The following KCNAB2 variants were observed in gnomAD, a reference collection of about 807,000 sequenced individuals.
The protein encoded by KCNAB2 is potassium voltage-gated channel subfamily A regulatory beta subunit 2.
KCNAB2 carries 29 observed loss-of-function variants against 63.6 expected under a neutral mutation model. The observed-to-expected ratio is 0.46, with a 90% CI of 0.34 to 0.62. KCNAB2 has a LOEUF of 0.62. KCNAB2 is among the 20% of genes least tolerant of loss of function. The pLI is 0.01. For missense variants in KCNAB2, 359 were observed against 563.9 expected (o/e 0.64, Z 3.68); for synonymous variants, 222 against 224.2 (o/e 0.99, Z 0.09).
Position 6,100,406 on chromosome 1 carries a change from C to T in KCNAB2, c.*1832C>T, listed in dbSNP as rs1363158836. On this transcript the variant is annotated 3_prime_UTR_variant, in exon 16 of 16. Coordinates refer to ENST00000378083, the MANE Select transcript of KCNAB2 (RefSeq NM_001199862.2). ...GTCCCTTCCCAACGGAGGTCCCAGC[C>T]TATGGCCCTGGGCCCAGGTGGGGGT... 5.4e-6 allele frequency: 1 copy of T among 186,002 alleles called. No homozygotes were observed. Among genetic ancestry groups the T allele is most frequent in the Non-Finnish European group, 1.1e-5 (1 of 90,658 alleles). 11.5% of individuals were successfully genotyped at this position (186,002 alleles called of 1,614,324 possible).
At chr1:6,089,931 C>A (rs1275279410) in intron 8 of KCNAB2, among the ~76,000 whole-genome samples, 2 of 152,332 alleles carry the variant, frequency 1.3e-5, no homozygotes, top group Non-Finnish European at 1.5e-5. Context: ...AAACTCCTGG[C>A]CCTCAAGTGA....
chr1:6,100,773 AG>A lies in KCNAB2; in HGVS notation c.*2204del. 1 of 152,332 alleles carries A rather than the reference AG, an allele frequency of 6.6e-6. No homozygotes were observed. Among genetic ancestry groups the A allele is most frequent in the Non-Finnish European group, 1.5e-5 (1 of 68,058 alleles). The allele number at this position is 152,332 out of a possible 1,614,324, so 9.4% of individuals were successfully genotyped here. ...CACACCCATCTACAGGGAGGATGTG[AG>A]GGGGCTCTGCCTCCTAGGGCCAGGT... On this transcript the variant is annotated 3_prime_UTR_variant, in exon 16 of 16. Transcript: ENST00000378083.
intron 5 of KCNAB2, among the ~76,000 whole-genome samples, chr1:6,082,486 C>G (rs576472165): frequency 6.6e-6 from 1 of 152,166 alleles, no homozygotes; most frequent in South Asian, 2.1e-4. Context: ...CTGAACTCCC[C>G]GTGGAGCCAC....
At position 6,087,574 on chromosome 1, in the gene KCNAB2, A is replaced by C; in HGVS notation, c.470+63A>C. 3 of 1,563,122 alleles carry C rather than the reference A, an allele frequency of 1.9e-6. No individual in the cohort carries two copies. The highest frequency in any genetic ancestry group is 2.6e-6 in the Non-Finnish European group (3 of 1,134,460). ...CAGCAGCCACGGCCCCGTGCTCCCC[A>C]GAGACCCCTGACCTAGAAGGCTCCT... On this transcript the variant is annotated intron_variant, in intron 7 of 15. Coordinates refer to ENST00000378083, the MANE Select transcript of KCNAB2 (RefSeq NM_001199862.2). This position sits in a 1 kb window ranked among gnomAD's most constrained non-coding sequence, Gnocchi z 6.4.
intron 2 of KCNAB2, among the ~76,000 whole-genome samples, chr1:6,070,611 T>A (rs1401530563): frequency 1.7e-4 from 26 of 152,240 alleles, no homozygotes; most frequent in Admixed American, 1.6e-3. Context: ...TGTTTTTGAA[T>A]AAAGAAAAGG....
At position 6,098,719 on chromosome 1, in the gene KCNAB2, C is replaced by T; in HGVS notation, c.*145C>T. ...GTGATGTCATCGGGAAATGATCTCCCAAGTCGCTGCCAGACACCACCCACT... is the reference window on the plus strand; with the variant it reads ...GTGATGTCATCGGGAAATGATCTCCTAAGTCGCTGCCAGACACCACCCACT... On this transcript the variant is annotated 3_prime_UTR_variant, in exon 16 of 16. Coordinates refer to ENST00000378083, the MANE Select transcript of KCNAB2 (RefSeq NM_001199862.2). 2 of 1,054,834 alleles carry T rather than the reference C, an allele frequency of 1.9e-6. No homozygotes were observed. Among genetic ancestry groups the T allele is most frequent in the Admixed American group, 2.6e-5 (1 of 38,650 alleles). The allele number at this position is 1,054,834 out of a possible 1,614,324, so 65.3% of individuals were successfully genotyped here.
At chr1:6,081,034 T>A (rs1664165255) in intron 4 of KCNAB2, among the ~76,000 whole-genome samples, 2 of 152,164 alleles carry the variant, frequency 1.3e-5, no homozygotes, top group East Asian at 3.8e-4. Flanking sequence ...AGGGGCACCT[T>A]TCTCTCCGGC....
chr1:6,087,453 C>T lies in KCNAB2; in HGVS notation c.426-14C>T. 2 of 1,614,106 alleles carry T rather than the reference C, an allele frequency of 1.2e-6. No individual in the cohort carries two copies. Among genetic ancestry groups the T allele is most frequent in the Non-Finnish European group, 1.7e-6 (2 of 1,179,944 alleles). ...CGGGCTTATCACACCCCTTCTTTCT[C>T]TTCTGTTCCACAGGCGGTCCAGCCT... On this transcript the variant is annotated splice_polypyrimidine_tract_variant and intron_variant, in intron 6 of 15. Coordinates refer to ENST00000378083, the MANE Select transcript of KCNAB2 (RefSeq NM_001199862.2). The surrounding 1 kb of genome is among the most constrained non-coding windows in gnomAD (Gnocchi z 6.4).
intron 4 of KCNAB2, among the ~76,000 whole-genome samples, chr1:6,076,435 T>C (rs1323598328): frequency 1.3e-5 from 2 of 152,234 alleles, no homozygotes; most frequent in African/African-American, 2.4e-5. Context: ...AGGTGCCCTT[T>C]CTGTGGCCTC....
chr1:6,089,384 C>T (rs941879692), intron 8 of KCNAB2, among the ~76,000 whole-genome samples: 4 of 152,218 alleles, frequency 2.6e-5, no homozygotes, highest in African/African-American at 4.8e-5. Context: ...ACAGTAAGAG[C>T]GCACCCGGCG....
chr1:6,029,948 A>T (rs1473157779), upstream of KCNAB2, among the ~76,000 whole-genome samples: 1 of 152,226 alleles, frequency 6.6e-6, no homozygotes, highest in African/African-American at 2.4e-5. Flanking sequence ...CAAAGTACCG[A>T]CTTTGGATCA....
In KCNAB2 at chr1:6,078,527, G is replaced by A. The variant is rs913865191; in HGVS notation, c.301-3668G>A. Among the ~76,000 whole-genome samples, 18 of 152,250 alleles carry A rather than the reference G, an allele frequency of 1.2e-4. No homozygotes were observed. Among genetic ancestry groups the A allele is most frequent in the South Asian group, 6.2e-4 (3 of 4,814 alleles). ...GTGGTGGTCCAGAGAAAGAGCCTTC[G>A]GGGGCCAAGGGGACAACCAAGGCAC... On this transcript the variant is annotated intron_variant, in intron 4 of 15. Transcript: ENST00000378083. The surrounding 1 kb of genome is among the most constrained non-coding windows in gnomAD (Gnocchi z 4.2).
At chr1:5,997,879 G>C (rs1657026269) in intron 1 of KCNAB2, among the ~76,000 whole-genome samples, 1 of 152,226 alleles carries the variant, frequency 6.6e-6, no homozygotes, top group South Asian at 2.1e-4. Flanking sequence ...TGCCAGTGAA[G>C]GGCGAAGGTC....
At chr1:6,045,887 G>A, upstream of KCNAB2, 1 of 985,466 alleles carries the variant, frequency 1.0e-6, no homozygotes, top group Non-Finnish European at 1.2e-6. This position sits in a 1 kb window ranked among gnomAD's most constrained non-coding sequence, Gnocchi z 4.8. Flanking sequence ...CACGCACCGG[G>A]AGTCAGCCTT....
At chr1:5,993,619 G>T (rs1056097025) in intron 1 of KCNAB2, among the ~76,000 whole-genome samples, 1 of 152,088 alleles carries the variant, frequency 6.6e-6, no homozygotes, top group African/African-American at 2.4e-5. Context: ...CCAACCAGCC[G>T]CATCCTGGTG....
At chr1:5,996,610 C>A (rs1656954159) in intron 1 of KCNAB2, among the ~76,000 whole-genome samples, 1 of 152,242 alleles carries the variant, frequency 6.6e-6, no homozygotes. Flanking sequence ...GCCTCCTCCA[C>A]TTCTCCAGCA....
chr1:6,007,923 G>A (rs776724128), intron 1 of KCNAB2, among the ~76,000 whole-genome samples: 1 of 152,174 alleles, frequency 6.6e-6, no homozygotes, highest in Non-Finnish European at 1.5e-5. Flanking sequence ...AGCCCTGAGA[G>A]GGGCTGGAGA....
Position 6,046,115 on chromosome 1 carries a change from G to C in KCNAB2, c.-95G>C. The C allele has an allele frequency of 1.0e-6, 1 of 985,396 alleles. No homozygotes were observed. The highest frequency in any genetic ancestry group is 1.2e-6 in the Non-Finnish European group (1 of 829,896). The allele number at this position is 985,396 out of a possible 1,614,324, so 61.0% of individuals were successfully genotyped here. A position where few individuals can be genotyped will look rare whatever the true frequency, so the allele number is the denominator to read the frequency against. ...AAAAAGCCGCTGTGCCAGATCCTTA[G>C]AGTGTCTGGTGATCCCTAATAAACC... On this transcript the variant is annotated 5_prime_UTR_variant, in exon 1 of 16. Transcript: ENST00000378083.
rs561386692 is a variant in KCNAB2, at chr1:6,026,592, C to T, written c.-52-13925C>T. 2.6e-5 allele frequency: 4 copies of T among 152,730 alleles called. No individual in the cohort carries two copies. In the South Asian group the frequency reaches 8.2e-4, roughly 31 times the overall value. 9.5% of individuals were successfully genotyped at this position (152,730 alleles called of 1,614,324 possible). On this transcript the variant is annotated intron_variant, in intron 1 of 16. Transcript: ENST00000341524. ...CCTGAACCCCTGAGCCCCGCATGCCCGCCTAGGGATTGGCCTCAGCCTGGG... is the reference window on the plus strand; with the variant it reads ...CCTGAACCCCTGAGCCCCGCATGCCTGCCTAGGGATTGGCCTCAGCCTGGG...
Sources: gnomAD v4.1 joint callset for allele counts (sites outside exome capture counted in the v4.1 genomes callset) on GRCh38, gnomAD v4.1.1 for gene constraint, Gnocchi (gnomAD v3.1) non-coding constraint, MANE v1.5 for transcripts, NCBI Gene and HGNC (gene_info 2026-07-23, HGNC 2026-07-21) for gene names.